The following AAK1 variants were observed in gnomAD, a reference collection of about 807,000 sequenced individuals.
AAK1 encodes the protein AP2-associated protein kinase 1.
Under a neutral mutation model 116.0 loss-of-function variants are expected in AAK1, and 37 were observed. That is an observed-to-expected ratio of 0.32 (90% CI 0.25 to 0.42). The LOEUF (loss-of-function observed/expected upper bound fraction) is 0.42. AAK1 is among the 10% of genes least tolerant of loss of function. The pLI is 1.00. For missense variants in AAK1, 919 were observed against 1,170.6 expected, an observed-to-expected ratio of 0.79 and a Z score of 3.14; for synonymous variants, 458 against 439.9, an observed-to-expected ratio of 1.04 and a Z score of -0.51.
chr2:69,544,361 T>A, intron 4 of AAK1, 75 bp downstream of exon 4: 1 of 1,210,426 alleles, frequency 8.3e-7, no homozygotes, highest in South Asian at 1.3e-5. Context: ...GCACATTAAG[T>A]GAAATGACCA....
chr2:69,611,496 C>A (rs1674078969), intron 2 of AAK1, among the ~76,000 whole-genome samples: 1 of 152,214 alleles, frequency 6.6e-6, no homozygotes, highest in Admixed American at 6.5e-5. Flanking sequence ...CGGGCTTGGA[C>A]TGAGCCACTA....
chr2:69,620,022 AAAG>A (rs1674525512), intron 2 of AAK1, among the ~76,000 whole-genome samples: 1 of 152,154 alleles, frequency 6.6e-6, no homozygotes, highest in Non-Finnish European at 1.5e-5. Context: ...TTGGCACTTT[AAAG>A]GCTCACTCTG....
intron 21 of AAK1, 93 bp from the exon 22 acceptor site, chr2:69,476,056 C>A (rs1674845434): frequency 4.8e-6 from 7 of 1,466,522 alleles, no homozygotes; most frequent in Non-Finnish European, 5.4e-6. Flanking sequence ...AAACCAAAAC[C>A]AAAACCAAAA....
At chr2:69,483,646 A>G (rs1675181772) in intron 17 of AAK1, among the ~76,000 whole-genome samples, 1 of 152,188 alleles carries the variant, frequency 6.6e-6, no homozygotes, top group African/African-American at 2.4e-5. Flanking sequence ...ATAACTCACC[A>G]AGATAATCAA....
Position 69,519,000 on chromosome 2 carries a change from T to G in AAK1, c.1451A>C (p.Gln484Pro). The G allele has an allele frequency of 6.5e-7, 1 of 1,549,714 alleles. No homozygotes were observed. Among genetic ancestry groups the G allele is most frequent in the African/African-American group, 1.4e-5 (1 of 73,136 alleles). ...CTGCTGGTAAAACGTGCCTGCCGGC[T>G]GCTGCTGTGCTGGCGGTGGCTGTTG... ...QQQQPPPAQQQPAGTFYQQQQ... is the reference protein window; with the variant it reads ...QQQQPPPAQQPPAGTFYQQQQ... The change falls in exon 12 of 22, where the codon CAG (glutamine) becomes CCG (proline). Residue 484 changes from glutamine to proline, a missense_variant. Around this residue, in one of 4 missense-constraint regions of AAK1, gnomAD observed 214 missense variants for 210.6 expected, o/e 1.02. Coordinates refer to ENST00000409085, the MANE Select transcript of AAK1 (RefSeq NM_014911.5).
chr2:69,568,150 CAT>C (rs1671952806), intron 2 of AAK1, among the ~76,000 whole-genome samples: 1 of 152,162 alleles, frequency 6.6e-6, no homozygotes, highest in African/African-American at 2.4e-5. Context: ...ACCAGGACAC[CAT>C]ATGTTAGTGG....
intron 2 of AAK1, among the ~76,000 whole-genome samples, chr2:69,579,096 T>G (rs1672438529): frequency 6.6e-6 from 1 of 152,176 alleles, no homozygotes; most frequent in South Asian, 2.1e-4. Context: ...CTTTTACAAC[T>G]AGACATTTCA....
intron 2 of AAK1, among the ~76,000 whole-genome samples, chr2:69,619,600 T>G (rs56153840): frequency 6.6e-6 from 1 of 152,126 alleles, no homozygotes; most frequent in African/African-American, 2.4e-5. Flanking sequence ...GCACGTTATA[T>G]AGCAGAGCCA....
intron 15 of AAK1, 94 bp from the exon 16 acceptor site, chr2:69,505,767 C>G (rs1676160257): frequency 2.4e-6 from 2 of 819,114 alleles, no homozygotes; most frequent in South Asian, 3.5e-5. Flanking sequence ...GAACTGACTT[C>G]TGGACTTGAC....
At chr2:69,540,513 A>G (rs1020951365) in intron 5 of AAK1, among the ~76,000 whole-genome samples, 18 of 152,216 alleles carry the variant, frequency 1.2e-4, no homozygotes, top group African/African-American at 4.3e-4. Flanking sequence ...GTATATACTC[A>G]TTCTCCTGTA....
At chr2:69,552,197 T>C (rs182712796) in intron 3 of AAK1, among the ~76,000 whole-genome samples, 102 of 152,214 alleles carry the variant, frequency 6.7e-4, no homozygotes, top group African/African-American at 2.0e-3. Context: ...CTTATTTAGC[T>C]ACAGTAATCA....
intron 17 of AAK1, among the ~76,000 whole-genome samples, chr2:69,486,377 G>A (rs570882161): frequency 6.6e-6 from 1 of 152,146 alleles, no homozygotes; most frequent in East Asian, 1.9e-4. Context: ...CCTGATTTAG[G>A]GGGGCTTATT....
At chr2:69,641,967 C>T (rs1675747227) in intron 2 of AAK1, among the ~76,000 whole-genome samples, 2 of 152,076 alleles carry the variant, frequency 1.3e-5, no homozygotes, top group South Asian at 2.1e-4. Context: ...TAAAAGCACA[C>T]TAGGCAGGCG....
chr2:69,514,771 G>A (rs1209206416), intron 12 of AAK1, 22 bp from the exon 13 acceptor site: 1 of 1,551,380 alleles, frequency 6.4e-7, no homozygotes, highest in Non-Finnish European at 8.7e-7. Flanking sequence ...ATGAGGAGAT[G>A]AATAAGGGCC....
At chr2:69,570,975 C>T (rs1572967343) in intron 2 of AAK1, among the ~76,000 whole-genome samples, 1 of 142,896 alleles carries the variant, frequency 7.0e-6, no homozygotes, top group African/African-American at 2.6e-5. Context: ...CAAACCAGGA[C>T]TTCTCTGTGA....
chr2:69,626,911 A>T (rs762992316), intron 2 of AAK1, among the ~76,000 whole-genome samples: 1 of 151,886 alleles, frequency 6.6e-6, no homozygotes, highest in East Asian at 1.9e-4. Context: ...CTTTCATTCA[A>T]CTGGTTTCTA....
At chr2:69,611,273 C>G (rs1201067114) in intron 2 of AAK1, among the ~76,000 whole-genome samples, 1 of 152,226 alleles carries the variant, frequency 6.6e-6, no homozygotes, top group African/African-American at 2.4e-5. Flanking sequence ...CTCTCTCTCT[C>G]TTCACATGCA....
intron 2 of AAK1, among the ~76,000 whole-genome samples, chr2:69,565,016 G>A (rs1671803965): frequency 6.6e-6 from 1 of 152,192 alleles, no homozygotes; most frequent in Non-Finnish European, 1.5e-5. Flanking sequence ...ATCTTCTCGA[G>A]ATCAAGAGCA....
chr2:69,541,616 T>C (rs980544969), intron 5 of AAK1, among the ~76,000 whole-genome samples: 3 of 152,176 alleles, frequency 2.0e-5, no homozygotes, highest in Admixed American at 2.0e-4. Flanking sequence ...ATAAAAGAAA[T>C]GCAGGTATGC....
Sources: allele counts gnomAD v4.1 joint callset (sites outside exome capture counted in the v4.1 genomes callset), GRCh38; gene constraint gnomAD v4.1.1; regional missense constraint gnomAD v4.1.1; transcripts MANE v1.5; gene names NCBI Gene and HGNC (gene_info 2026-07-23, HGNC 2026-07-21).